MYO18B: variants seen among roughly 807,000 people sequenced by gnomAD.
The protein encoded by MYO18B is unconventional myosin-XVIIIb.
In MYO18B, 204 loss-of-function variants were observed where a neutral mutation model predicts 273.0. That is an observed-to-expected ratio of 0.75 (90% CI 0.67 to 0.84). The LOEUF is 0.84. MYO18B is among the 40% of genes least tolerant of loss of function. The probability of loss-of-function intolerance (pLI) is 0.00; values close to 1 mark genes in which losing one functional copy is unlikely to be tolerated. For synonymous variants in MYO18B, 1,330 were observed against 1,305.7 expected, an observed-to-expected ratio of 1.02 and a Z score of -0.40; for missense variants, 3,212 against 3,287.6, an observed-to-expected ratio of 0.98 and a Z score of 0.56.
At chr22:25,810,377 T>C (rs541899371) in intron 12 of MYO18B, among the ~76,000 whole-genome samples, 49 of 150,004 alleles carry the variant, frequency 3.3e-4, no homozygotes, top group Admixed American at 3.2e-3. Context: ...GGATTACAGG[T>C]GTGAGCCACT....
In MYO18B at chr22:25,773,526, C is replaced by T. The variant is rs189662114; in HGVS notation, c.1869+1016C>T. Among the ~76,000 whole-genome samples the T allele has an allele frequency of 9.7e-3, 1,475 of 152,188 alleles. 14 individuals are homozygous for T. The highest frequency in any genetic ancestry group is 0.012 in the Non-Finnish European group (821 of 68,014). On this transcript the variant is annotated intron_variant, in intron 7 of 43. Transcript: ENST00000335473. ...TCGCCCAGGCTGGAGTGCAGTGGCACGATCTCGGCTCACTGCAAGCGCCGC... is the reference window on the plus strand; with the variant it reads ...TCGCCCAGGCTGGAGTGCAGTGGCATGATCTCGGCTCACTGCAAGCGCCGC...
chr22:25,829,250 T>G (rs1355096195), intron 15 of MYO18B, among the ~76,000 whole-genome samples: 1 of 152,198 alleles, frequency 6.6e-6, no homozygotes, highest in African/African-American at 2.4e-5. Context: ...TTGGGATGAC[T>G]GCTTCATTCT....
intron 7 of MYO18B, among the ~76,000 whole-genome samples, chr22:25,776,995 G>A (rs1053544679): frequency 6.6e-6 from 1 of 152,094 alleles, no homozygotes; most frequent in Non-Finnish European, 1.5e-5. Flanking sequence ...ATCTCTTTGC[G>A]ATTGGCTGGA....
chr22:26,021,715 G>A (rs1042562643), intron 42 of MYO18B, among the ~76,000 whole-genome samples: 3 of 152,224 alleles, frequency 2.0e-5, no homozygotes, highest in Admixed American at 6.5e-5. Flanking sequence ...TGGCTAGTGA[G>A]TGGTGAAACC....
At position 25,770,909 on chromosome 22, in the gene MYO18B, G is replaced by A. The variant is rs531711415; in HGVS notation, c.1617G>A (p.Leu539=). ...AGCCAGATGAGGGAACAGCAGACCT[G>A]CCAGCAGGAAGGGTGAGACTTTGGA... The part of the protein sequence containing the change: ...VLKPDEGTAD[L]PAGRVRLWID... The change falls in exon 6 of 44, where the codon CTG becomes CTA. Residue 539 remains leucine (L), a synonymous_variant. Coordinates refer to ENST00000335473, the MANE Select transcript of MYO18B (RefSeq NM_032608.7). The A allele has an allele frequency of 1.2e-5, 18 of 1,552,114 alleles. No homozygotes were observed. The African/African-American group carries it at 2.2e-4, about 19-fold the overall frequency.
chr22:25,972,808 T>C (rs1034978845), intron 39 of MYO18B, among the ~76,000 whole-genome samples: 1 of 152,016 alleles, frequency 6.6e-6, no homozygotes, highest in Non-Finnish European at 1.5e-5. Flanking sequence ...ATACAAAAAT[T>C]ACCTGGGTGT....
chr22:26,011,680 T>C (rs1934935901), intron 42 of MYO18B, among the ~76,000 whole-genome samples: 1 of 152,220 alleles, frequency 6.6e-6, no homozygotes, highest in Admixed American at 6.5e-5. Flanking sequence ...TAAATTTCAA[T>C]GGCCAATCTA....
rs968126407 is a variant in MYO18B, at chr22:25,883,826, G to A, written c.4314+5778G>A. The A allele has an allele frequency of 3.3e-5, 5 of 152,226 alleles. No homozygotes were observed. The highest frequency in any genetic ancestry group is 9.6e-5 in the African/African-American group (4 of 41,468). 9.4% of individuals were successfully genotyped at this position (152,226 alleles called of 1,614,324 possible). A position where few individuals can be genotyped will look rare whatever the true frequency, so the allele number is the denominator to read the frequency against. ...GCAAAATGATTTAAGTGCTTCATTT[G>A]TGAAGGAGCAGAAGAGGAGATGAGG... is the stretch of plus-strand genomic sequence containing the variant. On this transcript the variant is annotated intron_variant, in intron 25 of 43. Transcript: ENST00000335473. This position sits in a 1 kb window ranked among gnomAD's most constrained non-coding sequence, Gnocchi z 7.6.
chr22:26,025,474 A>G (rs1023178767), intron 42 of MYO18B, among the ~76,000 whole-genome samples: 17 of 152,228 alleles, frequency 1.1e-4, no homozygotes, highest in Admixed American at 1.0e-3. Context: ...CAAAGCACTC[A>G]GAGGCAGGGA....
chr22:26,021,521 T>C (rs1007462047), intron 42 of MYO18B, among the ~76,000 whole-genome samples: 1 of 152,228 alleles, frequency 6.6e-6, no homozygotes, highest in African/African-American at 2.4e-5. Flanking sequence ...ACAAATTCAT[T>C]GAGCACCTAC....
intron 42 of MYO18B, among the ~76,000 whole-genome samples, chr22:26,012,265 T>G (rs1447882090): frequency 6.6e-6 from 1 of 152,232 alleles, no homozygotes; most frequent in Non-Finnish European, 1.5e-5. Flanking sequence ...TAAATGGTAC[T>G]TAGCTTTAAA....
At chr22:25,990,307 C>T (rs2093251266) in intron 39 of MYO18B, among the ~76,000 whole-genome samples, 1 of 152,078 alleles carries the variant, frequency 6.6e-6, no homozygotes, top group Non-Finnish European at 1.5e-5. Context: ...GCCACCAAGC[C>T]CAGGGTTCAG....
At chr22:25,885,042 C>T (rs908374094) in intron 25 of MYO18B, among the ~76,000 whole-genome samples, 9 of 152,120 alleles carry the variant, frequency 5.9e-5, no homozygotes, top group African/African-American at 2.2e-4. Context: ...CAGTTTTATA[C>T]CCTTCTGTGT....
rs144036281 is a variant in MYO18B, at chr22:25,850,324, A to G, written c.3776-1146A>G. On this transcript the variant is annotated intron_variant, in intron 20 of 43. Transcript: ENST00000335473. ...CCTCGAGACCTGGAATTTGCGCTCA[A>G]TTTCCTTTGGGACCTGGTCTCTGCT... 6.6e-5 allele frequency among the ~76,000 whole-genome samples: 10 copies of G among 152,044 alleles called. No individual in the cohort carries two copies. The East Asian group carries it at 7.7e-4, about 12-fold the overall frequency.
chr22:25,958,247 C>G (rs927398347), intron 39 of MYO18B, among the ~76,000 whole-genome samples: 2 of 152,104 alleles, frequency 1.3e-5, no homozygotes. Context: ...AGATCACATT[C>G]ACAAGTCCCA....
Position 25,762,520 on chromosome 22 carries a change from G to T in MYO18B, c.40-711G>T, listed in dbSNP as rs117666420. Among the ~76,000 whole-genome samples the T allele has an allele frequency of 4.6e-4, 70 of 152,382 alleles. No individual in the cohort carries two copies. In the East Asian group the frequency reaches 0.013, roughly 27 times the overall value. On this transcript the variant is annotated intron_variant, in intron 2 of 43. Coordinates refer to ENST00000335473, the MANE Select transcript of MYO18B (RefSeq NM_032608.7). ...AGCCTCCAAGTCGCTGTAGCCAACAGCGGGGTCTCAGCTGCACCACAAGTC... is the reference window on the plus strand; with the variant it reads ...AGCCTCCAAGTCGCTGTAGCCAACATCGGGGTCTCAGCTGCACCACAAGTC...
At chr22:26,043,511 C>CTT in the MYO18B span, among the ~76,000 whole-genome samples, 24 of 123,002 alleles carry the variant, frequency 2.0e-4, no homozygotes, top group East Asian at 4.5e-4. Context: ...TTTTTTCTTT[C>CTT]TTTTTTTTTT....
chr22:25,907,553 C>T (rs2092069793), intron 31 of MYO18B, among the ~76,000 whole-genome samples: 1 of 152,192 alleles, frequency 6.6e-6, no homozygotes, highest in Non-Finnish European at 1.5e-5. Context: ...TTGTTTTCTA[C>T]AGAGAAAGGG....
At chr22:26,004,657 C>G (rs1186129079) in intron 41 of MYO18B, 61 bp from the exon 42 acceptor site, 2 of 1,590,488 alleles carry the variant, frequency 1.3e-6, no homozygotes, top group Admixed American at 3.4e-5. Context: ...GGGTGAATAT[C>G]TAATTATTGC....
Sources: gnomAD v4.1 joint callset for allele counts (sites outside exome capture counted in the v4.1 genomes callset) on GRCh38, gnomAD v4.1.1 for gene constraint, Gnocchi (gnomAD v3.1) non-coding constraint, MANE v1.5 for transcripts, NCBI Gene and HGNC (gene_info 2026-07-23, HGNC 2026-07-21) for gene names.